SLC60A1: variants seen among roughly 807,000 people sequenced by gnomAD.
SLC60A1 encodes solute carrier family 60 member 1.
the SLC60A1 span, among the ~76,000 whole-genome samples, chr1:205,570,687 G>T: frequency 6.6e-6 from 1 of 152,206 alleles, no homozygotes; most frequent in East Asian, 1.9e-4. Context: ...GTGTGGTACA[G>T]GATTGGAATA....
At chr1:205,583,999 G>A in the SLC60A1 span, 19 of 1,613,984 alleles carry the variant, frequency 1.2e-5, no homozygotes, top group Non-Finnish European at 1.6e-5. Context: ...CCAAGGAGCG[G>A]CTGCTGACCT....
chr1:205,581,950 A>G, the SLC60A1 span, among the ~76,000 whole-genome samples: 1 of 152,222 alleles, frequency 6.6e-6, no homozygotes, highest in Non-Finnish European at 1.5e-5. The surrounding 1 kb of genome is among the most constrained non-coding windows in gnomAD (Gnocchi z 4.2). Context: ...TAGGAGGCTG[A>G]GCCCGGCTGG....
chr1:205,573,681 T>G, the SLC60A1 span, among the ~76,000 whole-genome samples: 1 of 152,284 alleles, frequency 6.6e-6, no homozygotes, highest in African/African-American at 2.4e-5. Context: ...TGACTACTAA[T>G]GAATATAAGA....
the SLC60A1 span, among the ~76,000 whole-genome samples, chr1:205,573,297 G>A: frequency 6.6e-6 from 1 of 152,060 alleles, no homozygotes; most frequent in South Asian, 2.1e-4. Context: ...GTACGTGCCT[G>A]TAATCCCAGC....
chr1:205,598,199 G>A, the SLC60A1 span: 3 of 230,690 alleles, frequency 1.3e-5, no homozygotes, highest in African/African-American at 2.3e-5. Context: ...CCATCCCTTC[G>A]GAACCCACCA....
the SLC60A1 span, chr1:205,597,921 T>C: frequency 8.7e-5 from 128 of 1,472,146 alleles, no homozygotes; most frequent in Middle Eastern, 2.1e-4. Context: ...AAGATGCAGA[T>C]AGCCACCTTC....
the SLC60A1 span, chr1:205,585,024 G>T: frequency 6.3e-7 from 1 of 1,578,054 alleles, no homozygotes; most frequent in South Asian, 1.1e-5. This position sits in a 1 kb window ranked among gnomAD's most constrained non-coding sequence, Gnocchi z 4.2. Flanking sequence ...CCCCTACTGG[G>T]GGACCCTTCA....
the SLC60A1 span, among the ~76,000 whole-genome samples, chr1:205,576,275 A>G: frequency 1.5e-4 from 23 of 152,178 alleles, no homozygotes; most frequent in Non-Finnish European, 3.2e-4. Context: ...TCTGGGCCCA[A>G]CATTGCTCTT....
chr1:205,597,897 C>G, the SLC60A1 span: 1 of 1,578,726 alleles, frequency 6.3e-7, no homozygotes, highest in Admixed American at 1.7e-5. Flanking sequence ...GGGAGCACTC[C>G]TCTGACAGGT....
At chr1:205,579,814 C>G in the SLC60A1 span, 1 of 1,614,206 alleles carries the variant, frequency 6.2e-7, no homozygotes. Context: ...TGTTTGCCGT[C>G]ATCCCCTTCT....
chr1:205,585,896 C>T, the SLC60A1 span: 9 of 959,826 alleles, frequency 9.4e-6, no homozygotes, highest in Non-Finnish European at 1.5e-6. This position sits in a 1 kb window ranked among gnomAD's most constrained non-coding sequence, Gnocchi z 4.2. Flanking sequence ...CAAGCCCAGC[C>T]CTGGCTGAGC....
the SLC60A1 span, chr1:205,580,060 G>T: frequency 8.4e-7 from 1 of 1,189,636 alleles, no homozygotes; most frequent in Non-Finnish European, 1.2e-6. The surrounding 1 kb of genome is among the most constrained non-coding windows in gnomAD (Gnocchi z 5.0). Flanking sequence ...TACCAGCTGG[G>T]TTAGTAAGTT....
At chr1:205,588,469 C>CAAAAAAAAAAAAAAA in the SLC60A1 span, among the ~76,000 whole-genome samples, 1 of 84,724 alleles carries the variant, frequency 1.2e-5, no homozygotes, top group Admixed American at 1.5e-4. Context: ...GACTTCAAAT[C>CAAAAAAAAAAAAAAA]AAAAAAAAAA....
the SLC60A1 span, chr1:205,586,357 C>G: frequency 1.9e-6 from 2 of 1,032,256 alleles, no homozygotes; most frequent in Non-Finnish European, 2.8e-6. Context: ...GAGAGGATGA[C>G]GAGGAAGGGG....
chr1:205,574,529 A>C, the SLC60A1 span, among the ~76,000 whole-genome samples: 1 of 152,150 alleles, frequency 6.6e-6, no homozygotes, highest in Non-Finnish European at 1.5e-5. Context: ...TCCTGTTTTA[A>C]GGGTGACTAC....
chr1:205,594,078 A>G, the SLC60A1 span, among the ~76,000 whole-genome samples: 1 of 152,170 alleles, frequency 6.6e-6, no homozygotes, highest in Non-Finnish European at 1.5e-5. Flanking sequence ...GTCATCATCC[A>G]GGCAGCCCAT....
At chr1:205,596,437 A>G in the SLC60A1 span, among the ~76,000 whole-genome samples, 1 of 151,156 alleles carries the variant, frequency 6.6e-6, no homozygotes, top group Admixed American at 6.6e-5. Context: ...CATCTCTACT[A>G]AAAATACAAA....
the SLC60A1 span, among the ~76,000 whole-genome samples, chr1:205,589,200 G>C: frequency 6.6e-6 from 1 of 152,182 alleles, no homozygotes; most frequent in Non-Finnish European, 1.5e-5. Flanking sequence ...TCTGTCCCAG[G>C]CTCCTAAGTT....
the SLC60A1 span, among the ~76,000 whole-genome samples, chr1:205,594,177 C>T: frequency 6.6e-6 from 1 of 152,212 alleles, no homozygotes; most frequent in Non-Finnish European, 1.5e-5. Context: ...GCAGCTTGTC[C>T]TAACAACAGG....
Sources: allele counts gnomAD v4.1 joint callset (sites outside exome capture counted in the v4.1 genomes callset), GRCh38; gene constraint gnomAD v4.1.1; non-coding constraint Gnocchi (gnomAD v3.1); transcripts MANE v1.5; gene names NCBI Gene and HGNC (gene_info 2026-07-23, HGNC 2026-07-21).